BIRC2: variants seen among roughly 807,000 people sequenced by gnomAD.
BIRC2 encodes baculoviral IAP repeat containing 2, also known as baculoviral IAP repeat-containing protein 2.
Under a neutral mutation model 60.9 loss-of-function variants are expected in BIRC2, and 18 were observed. The ratio of observed to expected loss-of-function variants is 0.30; its 90% CI spans 0.20 to 0.44. The LOEUF is 0.44. Ranked by LOEUF, BIRC2 falls within the 20% of genes least tolerant of loss-of-function variation. The probability of loss-of-function intolerance (pLI) is 1.00; values close to 1 mark genes in which losing one functional copy is unlikely to be tolerated. For missense variants in BIRC2, 701 were observed against 728.5 expected (o/e 0.96, Z 0.43); for synonymous variants, 282 against 247.7 (o/e 1.14, Z -1.30).
In BIRC2 at chr11:102,350,525, G is replaced by A. The variant is rs760232302; in HGVS notation, c.671G>A (p.Gly224Asp). The A allele has an allele frequency of 1.9e-6, 3 of 1,614,086 alleles. No individual in the cohort carries two copies. Among genetic ancestry groups the A allele is most frequent in the Non-Finnish European group, 2.5e-6 (3 of 1,180,038 alleles). The change falls in exon 2 of 9, where the codon GGT (glycine) becomes GAT (aspartate). Residue 224 changes from glycine to aspartate, a missense_variant. Transcript: ENST00000227758. ...PGDRVACFAC[G>D]GKLSNWEPKD... is the part of the protein sequence containing the mutation. The stretch of plus-strand genomic sequence containing the variant: ...GATAGGGTAGCCTGCTTTGCCTGTG[G>A]TGGGAAGCTCAGTAACTGGGAACCA...
chr11:102,372,277 A>G (rs767050509), intron 6 of BIRC2, among the ~76,000 whole-genome samples: 10,058 of 151,972 alleles, frequency 0.066, 395 homozygotes, highest in African/African-American at 0.12. Flanking sequence ...TCAATTTTAG[A>G]TCTTTCCTGC....
chr11:102,377,157 A>G (rs768206444), intron 6 of BIRC2, among the ~76,000 whole-genome samples: 1 of 152,214 alleles, frequency 6.6e-6, no homozygotes, highest in East Asian at 1.9e-4. Flanking sequence ...ACAAATTACT[A>G]TGAAAGTGCT....
At chr11:102,364,209 A>C (rs1951526663) in intron 5 of BIRC2, among the ~76,000 whole-genome samples, 1 of 143,558 alleles carries the variant, frequency 7.0e-6, no homozygotes, top group Non-Finnish European at 1.5e-5. Context: ...AGAGAGAGAG[A>C]GAGAGAGTGT....
chr11:102,364,141 A>T (rs1415315452), intron 5 of BIRC2, among the ~76,000 whole-genome samples: 6 of 51,068 alleles, frequency 1.2e-4, no homozygotes, highest in Non-Finnish European at 2.2e-4. Context: ...AATAAATATT[A>T]TATATATATA....
intron 3 of BIRC2, among the ~76,000 whole-genome samples, chr11:102,357,462 A>G (rs1467537575): frequency 1.3e-5 from 2 of 151,798 alleles, no homozygotes; most frequent in East Asian, 1.9e-4. Flanking sequence ...TACTGATTCA[A>G]TCTCCTTACT....
At chr11:102,358,815 C>A (rs775683008) in intron 3 of BIRC2, among the ~76,000 whole-genome samples, 3 of 152,136 alleles carry the variant, frequency 2.0e-5, no homozygotes, top group Non-Finnish European at 4.4e-5. Flanking sequence ...TTTCCATTTG[C>A]ATGGAATATC....
At chr11:102,366,554 T>C (rs1951555079) in intron 5 of BIRC2, among the ~76,000 whole-genome samples, 1 of 151,842 alleles carries the variant, frequency 6.6e-6, no homozygotes, top group Admixed American at 6.6e-5. Flanking sequence ...TTTTTTTTAG[T>C]AGAGATGGGG....
At chr11:102,368,652 G>C in intron 6 of BIRC2, 104 bp downstream of exon 6, 1 of 1,442,738 alleles carries the variant, frequency 6.9e-7, no homozygotes, top group Non-Finnish European at 9.4e-7. Flanking sequence ...CTAACTGCTG[G>C]TAGCAGTCCT....
chr11:102,350,780 T>C, intron 2 of BIRC2, 31 bp downstream of exon 2: 1 of 1,601,472 alleles, frequency 6.2e-7, no homozygotes, highest in Non-Finnish European at 8.5e-7. Flanking sequence ...CATTTTATCA[T>C]TTTATTTTAA....
At chr11:102,367,782 A>G (rs939338088) in intron 5 of BIRC2, among the ~76,000 whole-genome samples, 2 of 152,036 alleles carry the variant, frequency 1.3e-5, no homozygotes, top group Non-Finnish European at 2.9e-5. Flanking sequence ...GGGTGAACTG[A>G]TCTTCTATTT....
intron 5 of BIRC2, among the ~76,000 whole-genome samples, chr11:102,364,441 G>T (rs946551849): frequency 2.0e-5 from 3 of 152,046 alleles, no homozygotes; most frequent in African/African-American, 7.2e-5. Context: ...ATTCACATAT[G>T]ATTCAAGAAT....
chr11:102,378,199 A>G lies in BIRC2; in HGVS notation c.*16A>G. 1 of 1,546,154 alleles carries G rather than the reference A, an allele frequency of 6.5e-7. No individual in the cohort carries two copies. Among genetic ancestry groups the G allele is most frequent in the Non-Finnish European group, 8.7e-7 (1 of 1,148,908 alleles). ...TCTCTCTTAAAGAAAAATAGTCTATATTTTAACCTGCATAAAAAGGTCTTT... is the reference window on the plus strand; with the variant it reads ...TCTCTCTTAAAGAAAAATAGTCTATGTTTTAACCTGCATAAAAAGGTCTTT... On this transcript the variant is annotated 3_prime_UTR_variant, in exon 9 of 9. Coordinates refer to ENST00000227758, the MANE Select transcript of BIRC2 (RefSeq NM_001166.5).
In BIRC2 at chr11:102,352,262, C is replaced by T. The variant is rs988838128; in HGVS notation, c.995+1319C>T. 6.1e-5 allele frequency among the ~76,000 whole-genome samples: 9 copies of T among 147,624 alleles called. No individual in the cohort carries two copies. In the East Asian group the frequency reaches 8.2e-4, roughly 13 times the overall value. ...CCGAGTAGCTGGGACTACAGGCGCC[C>T]GCTGCCACGCCCGGCTAATTTTTTG... On this transcript the variant is annotated intron_variant, in intron 3 of 8. Coordinates refer to ENST00000227758, the MANE Select transcript of BIRC2 (RefSeq NM_001166.5).
chr11:102,361,746 T>G (rs1038509771), intron 3 of BIRC2, among the ~76,000 whole-genome samples: 3 of 152,062 alleles, frequency 2.0e-5, no homozygotes, highest in Non-Finnish European at 4.4e-5. Flanking sequence ...ACCACATGAC[T>G]GATACAGGTA....
intron 6 of BIRC2, among the ~76,000 whole-genome samples, chr11:102,369,100 C>T (rs1306928346): frequency 1.3e-5 from 2 of 151,828 alleles, no homozygotes; most frequent in African/African-American, 2.4e-5. Context: ...TAAGTCTCGG[C>T]CTCTCAAAAC....
At chr11:102,355,710 A>G (rs1352207018) in intron 3 of BIRC2, among the ~76,000 whole-genome samples, 2 of 152,328 alleles carry the variant, frequency 1.3e-5, no homozygotes, top group East Asian at 1.9e-4. Context: ...TATGGGTAGT[A>G]TGAACATTTT....
intron 5 of BIRC2, among the ~76,000 whole-genome samples, chr11:102,364,688 A>G (rs915164372): frequency 6.6e-6 from 1 of 152,232 alleles, no homozygotes; most frequent in African/African-American, 2.4e-5. Context: ...AGATTTGTTA[A>G]CTGGACCAGA....
intron 3 of BIRC2, among the ~76,000 whole-genome samples, chr11:102,358,669 A>G (rs1338181300): frequency 6.6e-6 from 1 of 152,148 alleles, no homozygotes; most frequent in Non-Finnish European, 1.5e-5. Context: ...ACATATATAT[A>G]TTTACAGATA....
chr11:102,364,875 G>A (rs542291123), intron 5 of BIRC2, among the ~76,000 whole-genome samples: 227 of 152,330 alleles, frequency 1.5e-3, no homozygotes, highest in Middle Eastern at 3.4e-3. Context: ...AGATAGCAGT[G>A]TGGGCTGTTC....
Sources: gnomAD v4.1 joint callset for allele counts (sites outside exome capture counted in the v4.1 genomes callset) on GRCh38, gnomAD v4.1.1 for gene constraint, MANE v1.5 for transcripts, NCBI Gene and HGNC (gene_info 2026-07-23, HGNC 2026-07-21) for gene names.